Variants in CCDC70 observed in about 807,000 individuals in gnomAD.
CCDC70 encodes coiled-coil domain-containing protein 70.
CCDC70 carries 4 observed loss-of-function variants against 9.1 expected under a neutral mutation model. The ratio of observed to expected loss-of-function variants is 0.44; its 90% CI spans 0.22 to 1.00. The LOEUF (loss-of-function observed/expected upper bound fraction) is 1.00. CCDC70 is among the 50% of genes least tolerant of loss of function. The probability of loss-of-function intolerance (pLI) is 0.25; values close to 1 mark genes in which losing one functional copy is unlikely to be tolerated. For missense variants in CCDC70, 308 were observed against 271.3 expected, an observed-to-expected ratio of 1.14 and a Z score of -0.95; for synonymous variants, 119 against 94.0, an observed-to-expected ratio of 1.27 and a Z score of -1.54.
At chr13:51,864,772 T>C (rs1179951720) in intron 1 of CCDC70, among the ~76,000 whole-genome samples, 2 of 152,216 alleles carry the variant, frequency 1.3e-5, no homozygotes, top group African/African-American at 4.8e-5. Context: ...CTAAATATTG[T>C]GTGAGGGCCT....
chr13:51,863,672 GACACACAC>G lies in CCDC70; in HGVS notation c.-81+1474_-81+1481del, dbSNP rs35041555. 1.1e-3 allele frequency among the ~76,000 whole-genome samples: 151 copies of G among 134,362 alleles called. 1 individual carries two copies. Among genetic ancestry groups the G allele is most frequent in the Middle Eastern group, 3.8e-3 (1 of 260 alleles). The allele number at this position is 134,362 out of a possible 152,430, so 88.1% of individuals were successfully genotyped here. On this transcript the variant is annotated intron_variant, in intron 1 of 1. Transcript: ENST00000242819. ...GTGTCTTCATATGCACGCGCACACA[GACACACAC>G]ACACACACACACACACACACACACA...
chr13:51,863,672 G>GACACACACACACACAC (rs35041555), intron 1 of CCDC70, among the ~76,000 whole-genome samples: 1 of 134,298 alleles, frequency 7.4e-6, no homozygotes, highest in African/African-American at 2.7e-5. Context: ...CGCGCACACA[G>GACACACACACACACAC]ACACACACAC....
At chr13:51,863,983 G>C (rs547377125) in intron 1 of CCDC70, among the ~76,000 whole-genome samples, 2 of 152,194 alleles carry the variant, frequency 1.3e-5, no homozygotes, top group South Asian at 4.1e-4. Flanking sequence ...CTCATCCCTT[G>C]ATTCATGTTT....
At chr13:51,864,916 TGTCCCA>T (rs1956408417) in intron 1 of CCDC70, among the ~76,000 whole-genome samples, 1 of 152,226 alleles carries the variant, frequency 6.6e-6, no homozygotes, top group Non-Finnish European at 1.5e-5. Flanking sequence ...CTGTCTTCTG[TGTCCCA>T]GGCTCGTAAC....
chr13:51,863,606 G>A (rs1256175411), intron 1 of CCDC70, among the ~76,000 whole-genome samples: 2 of 151,732 alleles, frequency 1.3e-5, no homozygotes, highest in African/African-American at 4.8e-5. Context: ...TGTGTGACTG[G>A]ATGGATGGTG....
At position 51,865,577 on chromosome 13, in the gene CCDC70, G is replaced by T. The variant is rs1012447672; in HGVS notation, c.166G>T (p.Glu56Ter). ...IFREKIEDFR[E>*]EMWTFRGKIH... The stretch of plus-strand genomic sequence containing the variant: ...TCGTGAAAAAATAGAGGACTTCAGG[G>T]AAGAGATGTGGACTTTCCGAGGCAA... Residue 56 changes from glutamate (E) to a stop codon, truncating the protein, a stop_gained, in exon 2 of 2, where the codon GAA becomes TAA. Transcript: ENST00000242819. LOFTEE classifies it high-confidence loss of function. 8 of 1,614,224 alleles carry T rather than the reference G, an allele frequency of 5.0e-6. No individual in the cohort carries two copies. Among genetic ancestry groups the T allele is most frequent in the Non-Finnish European group, 6.8e-6 (8 of 1,180,024 alleles).
chr13:51,865,959 A>T lies in CCDC70; in HGVS notation c.548A>T (p.Glu183Val), dbSNP rs762456119. Reference sequence around the variant, plus strand: ...GAGGAAGAGAATGCCCTCTGGGAGGAAGAGAGGGCCTTCTGGATGGAGAAC... The same window carrying T: ...GAGGAAGAGAATGCCCTCTGGGAGGTAGAGAGGGCCTTCTGGATGGAGAAC... ...LWEEENALWE[E>V]ERAFWMENNG... Residue 183 changes from glutamate to valine, a missense_variant, in exon 2 of 2, where the codon GAA (glutamate) becomes GTA (valine). By Grantham distance (121) the Glu-to-Val change is moderately radical. Transcript: ENST00000242819. 1.9e-6 allele frequency: 3 copies of T among 1,614,066 alleles called. No homozygotes were observed. In the South Asian group the frequency reaches 3.3e-5, roughly 18 times the overall value.
chr13:51,863,663 G>A (rs556334453), intron 1 of CCDC70, among the ~76,000 whole-genome samples: 12 of 119,016 alleles, frequency 1.0e-4, no homozygotes, highest in South Asian at 2.7e-4. Context: ...TCATATGCAC[G>A]CGCACACAGA....
At chr13:51,862,834 T>A (rs976621430) in intron 1 of CCDC70, among the ~76,000 whole-genome samples, 1 of 152,218 alleles carries the variant, frequency 6.6e-6, no homozygotes, top group African/African-American at 2.4e-5. Context: ...GAAAATCAAA[T>A]TTCCAAAATG....
In CCDC70 at chr13:51,865,698, T is replaced by G. The variant is rs757037418; in HGVS notation, c.287T>G (p.Phe96Cys). Residue 96 changes from phenylalanine to cysteine, a missense_variant, in exon 2 of 2, where the codon TTC becomes TGC. By Grantham distance (205) the Phe-to-Cys change is radical. Transcript: ENST00000242819. ...EKTFWKEEKS[F>C]WEMEKSFREE... The stretch of plus-strand genomic sequence containing the variant: ...ACCTTCTGGAAAGAGGAAAAATCCT[T>G]CTGGGAAATGGAAAAGTCTTTCAGG... The G allele has an allele frequency of 5.6e-6, 9 of 1,614,104 alleles. No individual in the cohort carries two copies. The highest frequency in any genetic ancestry group is 1.6e-4 in the Middle Eastern group (1 of 6,062).
chr13:51,862,938 T>C (rs925644345), intron 1 of CCDC70, among the ~76,000 whole-genome samples: 2 of 152,216 alleles, frequency 1.3e-5, no homozygotes. Context: ...TACAGAGATG[T>C]CAGGAAGACA....
chr13:51,864,285 C>T (rs1421341492), intron 1 of CCDC70, among the ~76,000 whole-genome samples: 1 of 152,158 alleles, frequency 6.6e-6, no homozygotes, highest in East Asian at 1.9e-4. Flanking sequence ...CCTGCTAGCA[C>T]TGCAGAAGCC....
intron 1 of CCDC70, among the ~76,000 whole-genome samples, chr13:51,862,636 A>G (rs1228656572): frequency 6.6e-6 from 1 of 152,154 alleles, no homozygotes; most frequent in Admixed American, 6.5e-5. Context: ...GTGGGACAGG[A>G]AGGGCACATG....
chr13:51,865,540 G>T lies in CCDC70; in HGVS notation c.129G>T (p.Glu43Asp). Residue 43 changes from glutamate to aspartate, a missense_variant, in exon 2 of 2, where the codon GAG becomes GAT. Glu to Asp is a conservative substitution (Grantham distance 45, BLOSUM62 2). Transcript: ENST00000242819. ...AGGAGGAAAAGGCTTTTCGCGAAGA[G>T]ATGAAAATTTTTCGTGAAAAAATAG... ...KLQEEKAFREEMKIFREKIED... is the reference protein window; with the variant it reads ...KLQEEKAFREDMKIFREKIED... The T allele has an allele frequency of 6.2e-7, 1 of 1,614,252 alleles. No homozygotes were observed. The highest frequency in any genetic ancestry group is 1.1e-5 in the South Asian group (1 of 91,082).
intron 1 of CCDC70, among the ~76,000 whole-genome samples, chr13:51,863,479 G>A (rs1956395982): frequency 6.6e-6 from 1 of 152,114 alleles, no homozygotes; most frequent in Admixed American, 6.5e-5. Context: ...GATGGAACAG[G>A]GGCATGGTTT....
chr13:51,866,147 C>T lies in CCDC70; in HGVS notation c.*67C>T. On this transcript the variant is annotated 3_prime_UTR_variant, in exon 2 of 2. Coordinates refer to ENST00000242819, the MANE Select transcript of CCDC70 (RefSeq NM_031290.4). ...GGTTGGGATTCAAGTCCAGGGTGAGCCCATGTGCTGGAGAAAATACACACT... is the reference window on the plus strand; with the variant it reads ...GGTTGGGATTCAAGTCCAGGGTGAGTCCATGTGCTGGAGAAAATACACACT... The T allele has an allele frequency of 1.5e-6, 2 of 1,300,914 alleles. No homozygotes were observed. Among genetic ancestry groups the T allele is most frequent in the South Asian group, 1.6e-5 (1 of 63,712 alleles). The allele number at this position is 1,300,914 out of a possible 1,614,324, so 80.6% of individuals were successfully genotyped here. A position where few individuals can be genotyped will look rare whatever the true frequency, so the allele number is the denominator to read the frequency against.
At chr13:51,865,076 C>A (rs1477526597) in intron 1 of CCDC70, among the ~76,000 whole-genome samples, 1 of 152,156 alleles carries the variant, frequency 6.6e-6, no homozygotes, top group Non-Finnish European at 1.5e-5. Context: ...TGTTCTGATA[C>A]CCTAGTTGAC....
intron 1 of CCDC70, among the ~76,000 whole-genome samples, chr13:51,864,108 C>A (rs1042330272): frequency 1.3e-5 from 2 of 151,288 alleles, no homozygotes; most frequent in African/African-American, 4.9e-5. Context: ...TCCTTCCTTC[C>A]CTCCCTCTCT....
chr13:51,865,378 C>A lies in CCDC70; in HGVS notation c.-34C>A. On this transcript the variant is annotated 5_prime_UTR_variant, in exon 2 of 2. Transcript: ENST00000242819. ...CCTGGCCAAGGGTCCTGTCATCCCT[C>A]ATGGCCACCCCGCCATTCCGGCTGA... 1 of 1,584,044 alleles carries A rather than the reference C, an allele frequency of 6.3e-7. No homozygotes were observed. Among genetic ancestry groups the A allele is most frequent in the South Asian group, 1.2e-5 (1 of 85,436 alleles).
Sources: allele counts gnomAD v4.1 joint callset (sites outside exome capture counted in the v4.1 genomes callset), GRCh38; gene constraint gnomAD v4.1.1; transcripts MANE v1.5; gene names NCBI Gene and HGNC (gene_info 2026-07-23, HGNC 2026-07-21).